DYNC2H1: variants seen among roughly 807,000 people sequenced by gnomAD.
DYNC2H1 encodes the protein dynein cytoplasmic 2 heavy chain 1.
DYNC2H1 carries 410 observed loss-of-function variants against 570.0 expected under a neutral mutation model. The observed-to-expected ratio is 0.72, with a 90% CI of 0.66 to 0.78. The LOEUF (loss-of-function observed/expected upper bound fraction) is 0.78, where lower values mean the gene tolerates loss of function less well. Among genes scored for constraint, DYNC2H1 ranks in the 30% least tolerant of loss-of-function variants. DYNC2H1 has a pLI of 0.00. For synonymous variants in DYNC2H1, 1,688 were observed against 1,677.6 expected, an observed-to-expected ratio of 1.01 and a Z score of -0.15; for missense variants, 4,865 against 5,046.4, an observed-to-expected ratio of 0.96 and a Z score of 1.09.
In DYNC2H1 at chr11:103,275,081, G is replaced by C. The variant is rs774710569; in HGVS notation, c.10696-5267G>C. On this transcript the variant is annotated intron_variant, in intron 70 of 88. Coordinates refer to ENST00000375735, the MANE Select transcript of DYNC2H1 (RefSeq NM_001377.3). The surrounding 1 kb of genome is among the most constrained non-coding windows in gnomAD (Gnocchi z 4.8). ...TGCACTCCAGCCTGGGCGACAGTGA[G>C]AGACTCCGTCTCAAAAATAAATAAA... Among the ~76,000 whole-genome samples, 9 of 151,996 alleles carry C rather than the reference G, an allele frequency of 5.9e-5. No individual in the cohort carries two copies. The highest frequency in any genetic ancestry group is 1.3e-4 in the Non-Finnish European group (9 of 67,994).
intron 75 of DYNC2H1, among the ~76,000 whole-genome samples, chr11:103,288,323 T>A (rs7127766): frequency 0.17 from 25,375 of 151,904 alleles, 2,296 homozygotes; most frequent in Admixed American, 0.25. Flanking sequence ...AAAACTGAGG[T>A]AATTATGACA....
chr11:103,132,722 A>G (rs1300960293), intron 13 of DYNC2H1, among the ~76,000 whole-genome samples: 1 of 151,890 alleles, frequency 6.6e-6, no homozygotes, highest in African/African-American at 2.4e-5. Flanking sequence ...GAGCATTTGT[A>G]CACTGATTCA....
chr11:103,326,849 G>A lies in DYNC2H1; in HGVS notation c.12039+2859G>A, dbSNP rs2135451330. Among the ~76,000 whole-genome samples, 1 of 152,306 alleles carries A rather than the reference G, an allele frequency of 6.6e-6. No individual in the cohort carries two copies. Among genetic ancestry groups the A allele is most frequent in the Non-Finnish European group, 1.5e-5 (1 of 68,014 alleles). On this transcript the variant is annotated intron_variant, in intron 82 of 88. Transcript: ENST00000375735. The surrounding 1 kb of genome is among the most constrained non-coding windows in gnomAD (Gnocchi z 6.1). ...CTAGGAGGGTGATGAGGACCCCTGG[G>A]GGAATGGGCACTTAGGGCCTTACTC...
In DYNC2H1 at chr11:103,239,896, T is replaced by C. The variant is rs1421934340; in HGVS notation, c.9819+3357T>C. Among the ~76,000 whole-genome samples, 1 of 152,128 alleles carries C rather than the reference T, an allele frequency of 6.6e-6. No individual in the cohort carries two copies. Among genetic ancestry groups the C allele is most frequent in the African/African-American group, 2.4e-5 (1 of 41,430 alleles). ...TCCCCCAAGGAGAGAAGAATTTAAA[T>C]AGAGATTATGTATCTTTAGTTTTTA... On this transcript the variant is annotated intron_variant, in intron 63 of 88. Transcript: ENST00000375735. This position sits in a 1 kb window ranked among gnomAD's most constrained non-coding sequence, Gnocchi z 4.3.
At chr11:103,429,453 G>T (rs904647256) in intron 84 of DYNC2H1, among the ~76,000 whole-genome samples, 3 of 106,782 alleles carry the variant, frequency 2.8e-5, no homozygotes, top group Admixed American at 9.6e-5. Flanking sequence ...TCCTTTTTCT[G>T]TACTGATAAA....
In DYNC2H1 at chr11:103,205,497, C is replaced by T. The variant is rs571543076; in HGVS notation, c.8454+533C>T. On this transcript the variant is annotated intron_variant, in intron 52 of 88. Coordinates refer to ENST00000375735, the MANE Select transcript of DYNC2H1 (RefSeq NM_001377.3). The surrounding 1 kb of genome is among the most constrained non-coding windows in gnomAD (Gnocchi z 4.5). ...TAAGAGAAGTATAGTTTAATGCCTG[C>T]CATGATTCAGAGTAAGGAGTGTAAT... Among the ~76,000 whole-genome samples the T allele has an allele frequency of 3.0e-4, 45 of 152,166 alleles. No homozygotes were observed. Among genetic ancestry groups the T allele is most frequent in the Non-Finnish European group, 4.3e-4 (29 of 68,004 alleles).
At chr11:103,114,863 C>T (rs557034114) in intron 3 of DYNC2H1, among the ~76,000 whole-genome samples, 6 of 152,058 alleles carry the variant, frequency 3.9e-5, no homozygotes, top group Admixed American at 3.3e-4. Flanking sequence ...TGTATTTTTT[C>T]GGTAAGGTAC....
At chr11:103,202,454 T>C (rs1862760698) in intron 50 of DYNC2H1, among the ~76,000 whole-genome samples, 1 of 152,112 alleles carries the variant, frequency 6.6e-6, no homozygotes, top group South Asian at 2.1e-4. Context: ...GTAGGCTTGG[T>C]TTCTTTTTTC....
At chr11:103,377,312 T>C (rs753782644) in intron 83 of DYNC2H1, among the ~76,000 whole-genome samples, 1 of 152,156 alleles carries the variant, frequency 6.6e-6, no homozygotes, top group Non-Finnish European at 1.5e-5. Flanking sequence ...TTGCTCCTCT[T>C]ATTTTTTCCC....
intron 59 of DYNC2H1, among the ~76,000 whole-genome samples, chr11:103,223,577 T>A (rs61896686): frequency 7.0e-6 from 1 of 142,174 alleles, no homozygotes; most frequent in African/African-American, 2.8e-5. Context: ...TAGTAGAGAC[T>A]AAAATAACAT....
At chr11:103,447,385 T>G (rs1187439788) in intron 85 of DYNC2H1, among the ~76,000 whole-genome samples, 1 of 149,594 alleles carries the variant, frequency 6.7e-6, no homozygotes, top group Admixed American at 6.6e-5. Flanking sequence ...AGGTAAAAAA[T>G]CAACCCAGTG....
At chr11:103,286,180 T>C in intron 73 of DYNC2H1, 75 bp from the exon 74 acceptor site, 1 of 1,545,864 alleles carries the variant, frequency 6.5e-7, no homozygotes, top group Non-Finnish European at 8.8e-7. Context: ...TTCTCACTTT[T>C]AGTTTTTTTA....
chr11:103,143,711 A>G (rs1314652105), intron 18 of DYNC2H1, among the ~76,000 whole-genome samples: 1 of 152,194 alleles, frequency 6.6e-6, no homozygotes, highest in African/African-American at 2.4e-5. Context: ...TGGTGAGAGC[A>G]TACTAGACAA....
intron 83 of DYNC2H1, among the ~76,000 whole-genome samples, chr11:103,396,933 T>C (rs1239875914): frequency 6.6e-6 from 1 of 152,252 alleles, no homozygotes; most frequent in South Asian, 2.1e-4. Flanking sequence ...TGGGTACACA[T>C]GGACATACAA....
At chr11:103,229,399 T>C (rs1863922416) in intron 59 of DYNC2H1, among the ~76,000 whole-genome samples, 1 of 152,230 alleles carries the variant, frequency 6.6e-6, no homozygotes, top group Non-Finnish European at 1.5e-5. Context: ...TGACTTATAT[T>C]CTTGATTGTT....
chr11:103,132,993 C>T (rs1859354176), intron 13 of DYNC2H1, among the ~76,000 whole-genome samples: 1 of 152,132 alleles, frequency 6.6e-6, no homozygotes, highest in Admixed American at 6.5e-5. Context: ...GGGATTGGAA[C>T]ACTGCATGCT....
intron 87 of DYNC2H1, among the ~76,000 whole-genome samples, chr11:103,468,113 CT>C (rs1945252792): frequency 6.6e-6 from 1 of 152,092 alleles, no homozygotes; most frequent in Admixed American, 6.5e-5. Context: ...GACATGAATT[CT>C]TTCTTCTCTT....
intron 83 of DYNC2H1, among the ~76,000 whole-genome samples, chr11:103,360,044 T>C (rs1940560894): frequency 1.3e-5 from 2 of 152,074 alleles, no homozygotes; most frequent in Non-Finnish European, 2.9e-5. Context: ...ACCCCCTAAT[T>C]ACCTGATTCC....
At chr11:103,347,484 C>G (rs1312462759) in intron 82 of DYNC2H1, among the ~76,000 whole-genome samples, 1 of 150,864 alleles carries the variant, frequency 6.6e-6, no homozygotes, top group Non-Finnish European at 1.5e-5. Context: ...AACACGTGGT[C>G]TGGGATTTGT....
Sources: gnomAD v4.1 joint callset for allele counts (sites outside exome capture counted in the v4.1 genomes callset) on GRCh38, gnomAD v4.1.1 for gene constraint, Gnocchi (gnomAD v3.1) non-coding constraint, MANE v1.5 for transcripts, NCBI Gene and HGNC (gene_info 2026-07-23, HGNC 2026-07-21) for gene names.